The following SLC39A14 variants were observed in gnomAD, a reference collection of about 807,000 sequenced individuals.
The protein encoded by SLC39A14 is solute carrier family 39 member 14.
SLC39A14 carries 19 observed loss-of-function variants against 45.5 expected under a neutral mutation model. The ratio of observed to expected loss-of-function variants is 0.42; its 90% CI spans 0.29 to 0.61. The LOEUF is 0.61. SLC39A14 is among the 20% of genes least tolerant of loss of function. The pLI is 0.22. For synonymous variants in SLC39A14, 264 were observed against 251.3 expected, an observed-to-expected ratio of 1.05 and a Z score of -0.48; for missense variants, 447 against 616.5, an observed-to-expected ratio of 0.73 and a Z score of 2.91.
chr8:22,372,355 C>T (rs1222711981), intron 1 of SLC39A14, among the ~76,000 whole-genome samples: 2 of 152,144 alleles, frequency 1.3e-5, no homozygotes, highest in Admixed American at 1.3e-4. Flanking sequence ...CAGCACCTTG[C>T]TTTTTTCACC....
At chr8:22,393,613 C>T (rs1451483946) in intron 1 of SLC39A14, among the ~76,000 whole-genome samples, 1 of 152,148 alleles carries the variant, frequency 6.6e-6, no homozygotes, top group Non-Finnish European at 1.5e-5. Flanking sequence ...ATTAATCAAG[C>T]ATTTGTAAAA....
intron 2 of SLC39A14, among the ~76,000 whole-genome samples, chr8:22,406,479 G>A (rs1835219127): frequency 6.6e-6 from 1 of 152,116 alleles, no homozygotes. Context: ...GGATCACGAG[G>A]TCAGGAGATC....
At position 22,430,392 on chromosome 8, in the gene SLC39A14, A is replaced by G. The variant is rs184260170; in HGVS notation, c.1333-3499A>G. On this transcript the variant is annotated intron_variant, in intron 8 of 8. Transcript: ENST00000240095. ...CCACAAGAGAGTTTTAACCAGAGGA[A>G]TGACAAATCAGTTTTATGCTTTAAG... Among the ~76,000 whole-genome samples the G allele has an allele frequency of 2.0e-5, 3 of 152,234 alleles. No homozygotes were observed. The East Asian group carries it at 5.8e-4, about 29-fold the overall frequency.
chr8:22,415,746 A>C (rs756094010), intron 5 of SLC39A14, 23 bp from the exon 6 acceptor site: 2 of 1,603,020 alleles, frequency 1.2e-6, no homozygotes, highest in African/African-American at 1.3e-5. Context: ...TGTCATGCTG[A>C]TCCCTCCCTG....
intron 8 of SLC39A14, among the ~76,000 whole-genome samples, chr8:22,433,087 AGCCTCT>A (rs1225000203): frequency 5.3e-5 from 8 of 151,028 alleles, no homozygotes; most frequent in Admixed American, 3.3e-4. Context: ...TACAGTCATG[AGCCTCT>A]GCACCTGGCC....
intron 1 of SLC39A14, among the ~76,000 whole-genome samples, chr8:22,380,499 C>T (rs1833446642): frequency 6.6e-6 from 1 of 152,110 alleles, no homozygotes; most frequent in Admixed American, 6.5e-5. Context: ...GATTCAGGAC[C>T]GAGATGAGGC....
chr8:22,415,530 A>G, intron 5 of SLC39A14: 1 of 445,314 alleles, frequency 2.2e-6, no homozygotes, highest in Non-Finnish European at 4.0e-6. Context: ...TTCTCAGCTC[A>G]AGCAGTCCTC....
At chr8:22,427,231 C>T (rs559270755), downstream of SLC39A14, among the ~76,000 whole-genome samples, 1 of 152,018 alleles carries the variant, frequency 6.6e-6, no homozygotes, top group South Asian at 2.1e-4. Flanking sequence ...GCGGAGGTTG[C>T]GGTGAGCTGA....
rs2132390615 is a variant in SLC39A14, at chr8:22,422,252, A to T, written c.*2554A>T. ...GAAAGTGTATGTCACGTGCAGGAAC[A>T]GTGAGGCAGGGACAGGGGTTCTGCT... On this transcript the variant is annotated 3_prime_UTR_variant, in exon 9 of 9. Transcript: ENST00000381237. 2 of 985,586 alleles carry T rather than the reference A, an allele frequency of 2.0e-6. No homozygotes were observed. Among genetic ancestry groups the T allele is most frequent in the South Asian group, 9.4e-5 (2 of 21,290 alleles). The allele number at this position is 985,586 out of a possible 1,614,324, so 61.1% of individuals were successfully genotyped here.
intron 3 of SLC39A14, among the ~76,000 whole-genome samples, chr8:22,411,110 AT>A (rs1835542156): frequency 6.6e-6 from 1 of 152,104 alleles, no homozygotes; most frequent in Admixed American, 6.6e-5. Context: ...AACTTGGGCT[AT>A]TTTTTCAGCT....
At chr8:22,393,271 C>G (rs1389748160) in intron 1 of SLC39A14, 2 of 982,834 alleles carry the variant, frequency 2.0e-6, no homozygotes, top group African/African-American at 3.5e-5. Flanking sequence ...CAAGAGGAGG[C>G]AGGGGGAGAA....
intron 1 of SLC39A14, among the ~76,000 whole-genome samples, chr8:22,386,934 A>T (rs1563507226): frequency 6.6e-6 from 1 of 152,068 alleles, no homozygotes; most frequent in African/African-American, 2.4e-5. Flanking sequence ...GCACTTTGGG[A>T]GGCTGGGGCG....
intron 1 of SLC39A14, chr8:22,390,308 A>AC (rs1334216767): frequency 1.5e-5 from 2 of 133,700 alleles, no homozygotes; most frequent in African/African-American, 6.2e-5. Context: ...ACTAGAGCAT[A>AC]CTTTTTTTTT....
Position 22,419,924 on chromosome 8 carries a change from C to T in SLC39A14, c.*226C>T. The T allele has an allele frequency of 8.1e-7, 1 of 1,229,646 alleles. No homozygotes were observed. The highest frequency in any genetic ancestry group is 1.0e-6 in the Non-Finnish European group (1 of 984,450). The allele number at this position is 1,229,646 out of a possible 1,614,324, so 76.2% of individuals were successfully genotyped here. A position where few individuals can be genotyped will look rare whatever the true frequency, so the allele number is the denominator to read the frequency against. On this transcript the variant is annotated 3_prime_UTR_variant, in exon 9 of 9. Coordinates refer to ENST00000381237, the MANE Select transcript of SLC39A14 (RefSeq NM_001128431.4). ...CTAGTGCCTCTTGCCCTCTCCTCAC[C>T]TCCTTTTCTCTCAGTGACTCTGGAA...
At chr8:22,408,262 G>T (rs749020500) in intron 2 of SLC39A14, 48 bp from the exon 3 acceptor site, 20 of 1,564,028 alleles carry the variant, frequency 1.3e-5, no homozygotes, top group African/African-American at 1.1e-4. Flanking sequence ...GCAGGGCAAG[G>T]CCTGACCTTT....
intron 1 of SLC39A14, among the ~76,000 whole-genome samples, chr8:22,383,662 C>T (rs951533239): frequency 2.6e-5 from 4 of 152,110 alleles, no homozygotes; most frequent in African/African-American, 4.8e-5. Flanking sequence ...GCCCTGCTTT[C>T]CCTACCAGGA....
intron 1 of SLC39A14, among the ~76,000 whole-genome samples, chr8:22,383,759 G>C (rs1833638884): frequency 6.6e-6 from 1 of 152,140 alleles, no homozygotes; most frequent in South Asian, 2.1e-4. Flanking sequence ...CCTGTGCCCT[G>C]TCATCCCAGG....
intron 1 of SLC39A14, among the ~76,000 whole-genome samples, chr8:22,371,977 TTG>T: frequency 6.6e-6 from 1 of 151,942 alleles, no homozygotes; most frequent in East Asian, 1.9e-4. Flanking sequence ...ACTCCTGACT[TTG>T]TGATCCGCCC....
intron 1 of SLC39A14, among the ~76,000 whole-genome samples, chr8:22,382,359 G>A (rs959606083): frequency 2.6e-5 from 4 of 152,124 alleles, no homozygotes; most frequent in African/African-American, 9.7e-5. Context: ...TCATACACAG[G>A]TAGTGGGAGT....
Sources: gnomAD v4.1 joint callset for allele counts (sites outside exome capture counted in the v4.1 genomes callset) on GRCh38, gnomAD v4.1.1 for gene constraint, MANE v1.5 for transcripts, NCBI Gene and HGNC (gene_info 2026-07-23, HGNC 2026-07-21) for gene names.